PDE4D: variants seen among roughly 807,000 people sequenced by gnomAD.
PDE4D encodes 3',5'-cyclic-AMP phosphodiesterase 4D.
A neutral mutation model predicts 87.4 loss-of-function variants in PDE4D; 24 were observed. The observed-to-expected ratio is 0.27, with a 90% CI of 0.20 to 0.39. The LOEUF is 0.39. Ranked by LOEUF, PDE4D falls within the 10% of genes least tolerant of loss-of-function variation. The pLI, the probability that PDE4D is intolerant of heterozygous loss-of-function variation, is 1.00. For synonymous variants in PDE4D, 384 were observed against 383.2 expected (o/e 1.00, Z -0.02); for missense variants, 714 against 1,041.0 (o/e 0.69, Z 4.32).
At chr5:60,188,995 A>T (rs1169715390) in intron 1 of PDE4D, among the ~76,000 whole-genome samples, 1 of 152,234 alleles carries the variant, frequency 6.6e-6, no homozygotes, top group African/African-American at 2.4e-5. Context: ...GAAGGCAGTT[A>T]TCTTAGTTCC....
intron 1 of PDE4D, among the ~76,000 whole-genome samples, chr5:60,439,786 C>G (rs541993807): frequency 6.6e-6 from 1 of 152,182 alleles, no homozygotes; most frequent in Non-Finnish European, 1.5e-5. Flanking sequence ...TACAAGAGTG[C>G]CCAACTGTTT....
chr5:60,266,232 G>C (rs1750191872), intron 1 of PDE4D, among the ~76,000 whole-genome samples: 1 of 152,182 alleles, frequency 6.6e-6, no homozygotes, highest in Non-Finnish European at 1.5e-5. Context: ...GATTAAATAA[G>C]TTAAATCTCT....
intron 5 of PDE4D, among the ~76,000 whole-genome samples, chr5:59,161,957 AG>A (rs1486445345): frequency 1.3e-5 from 2 of 152,190 alleles, no homozygotes; most frequent in African/African-American, 4.8e-5. Flanking sequence ...GAAGCACCTA[AG>A]GGGATCTGTC....
chr5:59,891,233 C>G (rs1223227016), intron 1 of PDE4D, among the ~76,000 whole-genome samples: 1 of 152,190 alleles, frequency 6.6e-6, no homozygotes. Context: ...TGCAATACCT[C>G]TATTCCAATT....
intron 1 of PDE4D, among the ~76,000 whole-genome samples, chr5:60,506,054 C>G (rs1219604996): frequency 6.6e-6 from 1 of 152,242 alleles, no homozygotes; most frequent in Non-Finnish European, 1.5e-5. Flanking sequence ...GAACATTCCT[C>G]TCCTCTGCAT....
intron 1 of PDE4D, among the ~76,000 whole-genome samples, chr5:60,287,714 A>G (rs1014895356): frequency 6.6e-6 from 1 of 152,174 alleles, no homozygotes; most frequent in African/African-American, 2.4e-5. Flanking sequence ...AATAGTTTAT[A>G]CTTTCCCTGC....
intron 1 of PDE4D, among the ~76,000 whole-genome samples, chr5:59,296,568 T>C (rs563362696): frequency 6.6e-6 from 1 of 152,296 alleles, no homozygotes; most frequent in African/African-American, 2.4e-5. Context: ...ACTTCATCTA[T>C]ATATTCTCTT....
chr5:60,184,817 C>A (rs577385033), intron 2 of PDE4D, among the ~76,000 whole-genome samples: 1 of 152,176 alleles, frequency 6.6e-6, no homozygotes, highest in Non-Finnish European at 1.5e-5. Context: ...GTTCCTACGT[C>A]ACAAGTACAT....
At chr5:60,052,388 GCA>G in intron 2 of PDE4D, among the ~76,000 whole-genome samples, 1 of 152,108 alleles carries the variant, frequency 6.6e-6, no homozygotes, top group East Asian at 1.9e-4. Flanking sequence ...TTCAACATAT[GCA>G]AATCATTAAA....
At chr5:60,257,950 A>G (rs1269897113) in intron 1 of PDE4D, among the ~76,000 whole-genome samples, 1 of 151,928 alleles carries the variant, frequency 6.6e-6, no homozygotes, top group African/African-American at 2.4e-5. Flanking sequence ...AGCAACATAA[A>G]CCAAATGTGC....
At chr5:59,427,183 C>G (rs1795383364) in intron 1 of PDE4D, among the ~76,000 whole-genome samples, 1 of 151,900 alleles carries the variant, frequency 6.6e-6, no homozygotes. Flanking sequence ...GTGCTACATG[C>G]AGTTTCTACA....
chr5:60,211,522 A>G (rs1394856732), intron 1 of PDE4D, among the ~76,000 whole-genome samples: 1 of 149,218 alleles, frequency 6.7e-6, no homozygotes, highest in Non-Finnish European at 1.5e-5. Context: ...TATAATGTAT[A>G]TATACAAATG....
At chr5:59,691,761 A>C (rs1750985722) in intron 1 of PDE4D, among the ~76,000 whole-genome samples, 1 of 152,052 alleles carries the variant, frequency 6.6e-6, no homozygotes, top group Non-Finnish European at 1.5e-5. Flanking sequence ...AACTATTTTA[A>C]GATGATCTAG....
intron 2 of PDE4D, among the ~76,000 whole-genome samples, chr5:60,134,851 G>A (rs1424611519): frequency 6.6e-6 from 1 of 152,124 alleles, no homozygotes; most frequent in East Asian, 1.9e-4. Context: ...CAGAACCCAT[G>A]GGTACAGAGG....
chr5:59,034,063 C>T (rs562116871), intron 6 of PDE4D, among the ~76,000 whole-genome samples: 5 of 152,172 alleles, frequency 3.3e-5, no homozygotes, highest in African/African-American at 1.2e-4. Context: ...AATTGTTTCC[C>T]TCTTCCATTA....
At chr5:59,909,374 T>C (rs1267135259) in intron 3 of PDE4D, among the ~76,000 whole-genome samples, 1 of 147,132 alleles carries the variant, frequency 6.8e-6, no homozygotes, top group Non-Finnish European at 1.5e-5. Flanking sequence ...AATCGGCAAT[T>C]TTAACAAGCT....
At chr5:59,094,108 C>G (rs531091281) in intron 5 of PDE4D, among the ~76,000 whole-genome samples, 27 of 151,194 alleles carry the variant, frequency 1.8e-4, no homozygotes, top group African/African-American at 5.3e-4. Flanking sequence ...GTCCCAGTTA[C>G]TCGGGAGGCT....
chr5:59,712,687 A>G (rs1754390038), intron 1 of PDE4D, among the ~76,000 whole-genome samples: 1 of 151,564 alleles, frequency 6.6e-6, no homozygotes, highest in Admixed American at 6.6e-5. Context: ...TATAGGGTTA[A>G]TAGGGTAAGT....
intron 1 of PDE4D, among the ~76,000 whole-genome samples, chr5:60,248,892 A>G (rs945999868): frequency 6.6e-6 from 1 of 151,672 alleles, no homozygotes; most frequent in Non-Finnish European, 1.5e-5. Flanking sequence ...GTTCCTAATC[A>G]CTCTCAGAAC....
Sources: gnomAD v4.1 joint callset for allele counts (sites outside exome capture counted in the v4.1 genomes callset) on GRCh38, gnomAD v4.1.1 for gene constraint, MANE v1.5 for transcripts, NCBI Gene and HGNC (gene_info 2026-07-23, HGNC 2026-07-21) for gene names.